DNM3: variants seen among roughly 807,000 people sequenced by gnomAD.
DNM3 encodes dynamin-3.
Under a neutral mutation model 101.6 loss-of-function variants are expected in DNM3, and 47 were observed. That is an observed-to-expected ratio of 0.46 (90% CI 0.37 to 0.59). The LOEUF (loss-of-function observed/expected upper bound fraction) is 0.59. DNM3 is among the 20% of genes least tolerant of loss of function. The pLI, the probability that DNM3 is intolerant of heterozygous loss-of-function variation, is 0.00. For missense variants in DNM3, 849 were observed against 1,085.7 expected (o/e 0.78, Z 3.06); for synonymous variants, 385 against 387.9 (o/e 0.99, Z 0.09).
intron 15 of DNM3, among the ~76,000 whole-genome samples, chr1:172,270,007 G>C (rs926262196): frequency 6.6e-6 from 1 of 152,090 alleles, no homozygotes; most frequent in Admixed American, 6.6e-5. Flanking sequence ...ATGTTTTATT[G>C]ACTATTGGAA....
intron 17 of DNM3, chr1:172,376,469 T>TATAC (rs1365840615): frequency 1.3e-5 from 2 of 152,038 alleles, no homozygotes; most frequent in African/African-American, 4.8e-5. Flanking sequence ...TCATACACAA[T>TATAC]ATACATACAG....
chr1:172,317,566 G>A (rs1434902437), intron 16 of DNM3, among the ~76,000 whole-genome samples: 2 of 152,276 alleles, frequency 1.3e-5, no homozygotes, highest in African/African-American at 4.8e-5. Context: ...TATCACCACT[G>A]ATCCCACAGA....
At chr1:172,201,826 T>C (rs2060164058) in intron 14 of DNM3, among the ~76,000 whole-genome samples, 1 of 152,166 alleles carries the variant, frequency 6.6e-6, no homozygotes, top group Admixed American at 6.5e-5. Context: ...GGAGGACCTG[T>C]CTAGTGAGGA....
rs201806268 is a variant in DNM3 at position 172,163,243 on chromosome 1, G to GTT, written c.1659+31969_1659+31970dup. 3.0e-3 allele frequency among the ~76,000 whole-genome samples: 402 copies of GTT among 134,380 alleles called. 5 individuals are homozygous for GTT. The highest frequency in any genetic ancestry group is 5.2e-3 in the African/African-American group (187 of 35,996). The allele number at this position is 134,380 out of a possible 152,430, so 88.2% of individuals were successfully genotyped here. ...GTTTACAGTGCAATATTCTTTTTTTGTTTTTTTTTTTTTTTGAGACGGAGT... is the reference window on the plus strand; with the variant it reads ...GTTTACAGTGCAATATTCTTTTTTTGTTTTTTTTTTTTTTTTTGAGACGGAGT... On this transcript the variant is annotated intron_variant, in intron 14 of 20. Coordinates refer to ENST00000627582, the MANE Select transcript of DNM3 (RefSeq NM_015569.5).
At chr1:172,284,975 T>G (rs1307731991) in intron 15 of DNM3, among the ~76,000 whole-genome samples, 1 of 152,124 alleles carries the variant, frequency 6.6e-6, no homozygotes, top group Non-Finnish European at 1.5e-5. Flanking sequence ...ATATTCCAGT[T>G]GAGGCTGTAA....
chr1:172,229,730 C>G (rs1448854693), intron 14 of DNM3, among the ~76,000 whole-genome samples: 1 of 151,918 alleles, frequency 6.6e-6, no homozygotes. Flanking sequence ...ATAGATTATA[C>G]TACAAAACAT....
At chr1:172,296,584 T>C (rs2064172945) in intron 15 of DNM3, among the ~76,000 whole-genome samples, 1 of 152,240 alleles carries the variant, frequency 6.6e-6, no homozygotes, top group South Asian at 2.1e-4. Flanking sequence ...GGAATTCTTG[T>C]TGCTGTAGGG....
At position 172,410,548 on chromosome 1, in the gene DNM3, A is replaced by C; in HGVS notation, c.*2707A>C. The C allele has an allele frequency of 1.0e-6, 1 of 983,440 alleles. No homozygotes were observed. Among genetic ancestry groups the C allele is most frequent in the Non-Finnish European group, 1.2e-6 (1 of 828,096 alleles). 60.9% of individuals were successfully genotyped at this position (983,440 alleles called of 1,614,324 possible). ...TATTGCATGCATATTGACTAATTGG[A>C]ATAACCATTTACTCAATTATGGACA... On this transcript the variant is annotated 3_prime_UTR_variant, in exon 21 of 21. Transcript: ENST00000627582.
At chr1:172,361,874 G>A (rs147283095) in intron 17 of DNM3, among the ~76,000 whole-genome samples, 4 of 152,074 alleles carry the variant, frequency 2.6e-5, no homozygotes, top group African/African-American at 9.6e-5. Context: ...CTTAGTAAAA[G>A]AAAACTTGCT....
chr1:172,161,488 AAATC>A (rs113812394), intron 14 of DNM3, among the ~76,000 whole-genome samples: 3,413 of 152,114 alleles, frequency 0.022, 117 homozygotes, highest in African/African-American at 0.077. Flanking sequence ...GAGAAGATAA[AAATC>A]AATCAAGAAA....
intron 4 of DNM3, 86 bp downstream of exon 4, chr1:171,989,234 G>T: frequency 1.6e-6 from 2 of 1,223,530 alleles, no homozygotes; most frequent in South Asian, 2.0e-5. Context: ...CTTAAGATTT[G>T]GTTTCATTAT....
intron 4 of DNM3, among the ~76,000 whole-genome samples, chr1:172,021,833 T>C (rs2047872951): frequency 6.6e-6 from 1 of 152,344 alleles, no homozygotes; most frequent in East Asian, 1.9e-4. Flanking sequence ...ATTTATTAGC[T>C]CTTAATTTAT....
At chr1:172,006,759 C>T (rs2046721765) in intron 4 of DNM3, among the ~76,000 whole-genome samples, 1 of 152,020 alleles carries the variant, frequency 6.6e-6, no homozygotes, top group Non-Finnish European at 1.5e-5. Flanking sequence ...TGTACCAGAA[C>T]ATTTTCATCA....
chr1:172,371,927 T>G (rs1350246825), intron 17 of DNM3, among the ~76,000 whole-genome samples: 1 of 149,794 alleles, frequency 6.7e-6, no homozygotes, highest in Non-Finnish European at 1.5e-5. Flanking sequence ...TATTTTTTAT[T>G]ATTATACTTT....
In DNM3 at chr1:171,940,008, C is replaced by G. The variant is rs78634948; in HGVS notation, c.235+18187C>G. Among the ~76,000 whole-genome samples, 59 of 152,258 alleles carry G rather than the reference C, an allele frequency of 3.9e-4. No individual in the cohort carries two copies. The East Asian group carries it at 0.011, about 29-fold the overall frequency. ...TGATACTCTTATTGATCAGTAGTCA[C>G]TGACCACGCAGAGAAGGACAGGTTA... On this transcript the variant is annotated intron_variant, in intron 2 of 20. Transcript: ENST00000627582.
intron 15 of DNM3, among the ~76,000 whole-genome samples, chr1:172,268,989 C>G (rs935102582): frequency 1.3e-5 from 2 of 152,080 alleles, no homozygotes; most frequent in Non-Finnish European, 2.9e-5. Flanking sequence ...TTTTCAGGAG[C>G]CTTTGCGTAT....
intron 14 of DNM3, among the ~76,000 whole-genome samples, chr1:172,157,691 C>A (rs1339489405): frequency 6.6e-6 from 1 of 151,990 alleles, no homozygotes; most frequent in Admixed American, 6.6e-5. Context: ...ACTATTTACA[C>A]AGCATTTACA....
intron 14 of DNM3, among the ~76,000 whole-genome samples, chr1:172,216,246 A>T (rs28432999): frequency 0.01 from 1,591 of 152,226 alleles, 42 homozygotes; most frequent in African/African-American, 0.036. Flanking sequence ...CCCTTGGAAG[A>T]TTCACATGTA....
chr1:172,163,044 A>C (rs2058601509), intron 14 of DNM3, among the ~76,000 whole-genome samples: 1 of 152,044 alleles, frequency 6.6e-6, no homozygotes, highest in Admixed American at 6.6e-5. Flanking sequence ...TATACTTGAC[A>C]AATAAAAATT....
Sources: allele counts gnomAD v4.1 joint callset (sites outside exome capture counted in the v4.1 genomes callset), GRCh38; gene constraint gnomAD v4.1.1; transcripts MANE v1.5; gene names NCBI Gene and HGNC (gene_info 2026-07-23, HGNC 2026-07-21).